The following SPDYA variants were observed in gnomAD, a reference collection of about 807,000 sequenced individuals.
SPDYA encodes the protein speedy/RINGO cell cycle regulator family member A.
In SPDYA, 11 loss-of-function variants were observed where a neutral mutation model predicts 36.7. That is an observed-to-expected ratio of 0.30 (90% CI 0.19 to 0.50). The LOEUF (loss-of-function observed/expected upper bound fraction) is 0.50. Ranked by LOEUF, SPDYA falls within the 20% of genes least tolerant of loss-of-function variation. SPDYA has a pLI of 0.98. For synonymous variants in SPDYA, 115 were observed against 118.7 expected, an observed-to-expected ratio of 0.97 and a Z score of 0.20; for missense variants, 287 against 370.9, an observed-to-expected ratio of 0.77 and a Z score of 1.86.
At position 28,811,188 on chromosome 2, in the gene SPDYA, C is replaced by G. The variant is rs1667830972; in HGVS notation, c.-93+241C>G. The G allele has an allele frequency of 6.6e-6, 1 of 152,314 alleles. No homozygotes were observed. Among genetic ancestry groups the G allele is most frequent in the African/African-American group, 2.4e-5 (1 of 41,460 alleles). The allele number at this position is 152,314 out of a possible 1,614,324, so 9.4% of individuals were successfully genotyped here. A position where few individuals can be genotyped will look rare whatever the true frequency, so the allele number is the denominator to read the frequency against. On this transcript the variant is annotated intron_variant, in intron 1 of 7. Transcript: ENST00000334056. The surrounding 1 kb of genome is among the most constrained non-coding windows in gnomAD (Gnocchi z 4.2). ...CCTGGCGAGGGAGGCAGTGGCCGCG[C>G]AGGTTGGGGCTTTGGCCGCCCTCCG... is the stretch of plus-strand genomic sequence containing the variant.
At chr2:28,812,874 A>AG (rs1450984810) in intron 1 of SPDYA, among the ~76,000 whole-genome samples, 2 of 151,254 alleles carry the variant, frequency 1.3e-5, no homozygotes, top group Non-Finnish European at 3.0e-5. Flanking sequence ...AAAAAAAAAA[A>AG]AAAAATTAAA....
chr2:28,812,623 G>A (rs1172412346), intron 1 of SPDYA, among the ~76,000 whole-genome samples: 4 of 151,916 alleles, frequency 2.6e-5, no homozygotes, highest in Non-Finnish European at 4.4e-5. Flanking sequence ...TTGGGAGGCC[G>A]AGGCGGGCCG....
At chr2:28,837,662 A>G (rs758511071) in intron 6 of SPDYA, among the ~76,000 whole-genome samples, 2 of 152,152 alleles carry the variant, frequency 1.3e-5, no homozygotes, top group Non-Finnish European at 2.9e-5. Flanking sequence ...AGAGAGGTTA[A>G]GTGACTTCTT....
chr2:28,843,487 T>C (rs1572516915), intron 7 of SPDYA, among the ~76,000 whole-genome samples: 1 of 150,262 alleles, frequency 6.7e-6, no homozygotes, highest in East Asian at 1.9e-4. Flanking sequence ...GAGGTGGAGG[T>C]TGCAGTGAGC....
Position 28,829,239 on chromosome 2 carries a change from C to T in SPDYA, c.472C>T (p.Pro158Ser). 6 of 1,613,812 alleles carry T rather than the reference C, an allele frequency of 3.7e-6. No individual in the cohort carries two copies. The highest frequency in any genetic ancestry group is 5.1e-6 in the Non-Finnish European group (6 of 1,179,924). The change falls in exon 6 of 8, where the codon CCT becomes TCT. Residue 158 changes from proline (P) to serine (S), a missense_variant. Transcript: ENST00000334056. ...ALGKNWRKLF[P>S]NFLKLRDQLW... is the part of the protein sequence containing the mutation. ...AGGGAAAAACTGGAGAAAATTGTTC[C>T]CTAATTTCTTAAAGTTAAGGGACCA...
At chr2:28,847,076 C>T (rs1402942610) in intron 7 of SPDYA, among the ~76,000 whole-genome samples, 1 of 152,242 alleles carries the variant, frequency 6.6e-6, no homozygotes, top group East Asian at 1.9e-4. Flanking sequence ...CGTGCAGTGG[C>T]TCATTCCTGT....
chr2:28,819,207 T>G (rs1388979160), intron 4 of SPDYA, 101 bp downstream of exon 4: 5 of 926,762 alleles, frequency 5.4e-6, no homozygotes, highest in Non-Finnish European at 8.0e-6. Flanking sequence ...TTATTAGTTA[T>G]GATTAAGAAA....
intron 6 of SPDYA, 28 bp from the exon 7 acceptor site, chr2:28,840,144 A>C (rs1339294698): frequency 6.3e-7 from 1 of 1,586,722 alleles, no homozygotes. Flanking sequence ...ATATTACTAA[A>C]ATTCTAAAAG....
At chr2:28,826,949 C>CTTTTTTTTTTTTTTTT (rs1309143694) in intron 5 of SPDYA, among the ~76,000 whole-genome samples, 2 of 113,808 alleles carry the variant, frequency 1.8e-5, no homozygotes, top group Non-Finnish European at 1.8e-5. Context: ...TCTTTTCTTT[C>CTTTTTTTTTTTTTTTT]TTTTTTTTTT....
chr2:28,823,740 TATATAA>T (rs1414347301), intron 5 of SPDYA, among the ~76,000 whole-genome samples: 68 of 76,978 alleles, frequency 8.8e-4, no homozygotes, highest in East Asian at 3.3e-3. Flanking sequence ...TATATATATA[TATATAA>T]AATTTTTTTT....
At position 28,816,096 on chromosome 2, in the gene SPDYA, C is replaced by T. The variant is rs370955960; in HGVS notation, c.82C>T (p.Pro28Ser). 1.1e-4 allele frequency: 176 copies of T among 1,613,710 alleles called. No individual in the cohort carries two copies. The highest frequency in any genetic ancestry group is 1.4e-4 in the Non-Finnish European group (171 of 1,179,952). Residue 28 changes from proline to serine, a missense_variant, in exon 3 of 8, where the codon CCT (proline) becomes TCT (serine). Pro to Ser is a moderately conservative substitution (Grantham distance 74). Transcript: ENST00000334056. ...ATCAGGGTCAAATAGATCACATCAG[C>T]CTAAAAAGCCCATTACTCTGAAGCG... Reference protein sequence around the residue: ...VKSGSNRSHQPKKPITLKRPI... With the variant: ...VKSGSNRSHQSKKPITLKRPI...
At chr2:28,832,231 A>G (rs1668496276) in intron 6 of SPDYA, among the ~76,000 whole-genome samples, 1 of 152,188 alleles carries the variant, frequency 6.6e-6, no homozygotes, top group Non-Finnish European at 1.5e-5. Flanking sequence ...TATATGGCCA[A>G]ATCCCAAGGT....
chr2:28,848,111 T>C (rs1194935469), intron 7 of SPDYA, among the ~76,000 whole-genome samples: 1 of 152,226 alleles, frequency 6.6e-6, no homozygotes, highest in Non-Finnish European at 1.5e-5. Flanking sequence ...TGTATAACTG[T>C]ATCTGGAAAT....
Position 28,819,852 on chromosome 2 carries a change from ATATATATATATATATATATATATAT to A in SPDYA, c.294+747_294+771del, listed in dbSNP as rs1319513021. ...AAAAAAAAAAAAAAAAAAAAAAAAT[ATATATATATATATATATATATATAT>A]ATATATATATATATATATATATATA... On this transcript the variant is annotated intron_variant, in intron 4 of 7. Transcript: ENST00000334056. 1.4e-3 allele frequency among the ~76,000 whole-genome samples: 8 copies of A among 5,850 alleles called. 1 individual carries two copies. Among genetic ancestry groups the A allele is most frequent in the Admixed American group, 8.8e-3 (2 of 226 alleles). The allele number at this position is 5,850 out of a possible 152,430, so 3.8% of individuals were successfully genotyped here. A position where few individuals can be genotyped will look rare whatever the true frequency, so the allele number is the denominator to read the frequency against.
chr2:28,838,462 T>G (rs898706520), intron 6 of SPDYA, among the ~76,000 whole-genome samples: 25 of 152,218 alleles, frequency 1.6e-4, no homozygotes, highest in South Asian at 6.2e-4. Flanking sequence ...ATTACAAGTG[T>G]GAGCCACTGC....
intron 6 of SPDYA, among the ~76,000 whole-genome samples, chr2:28,838,725 A>G (rs1042034460): frequency 6.6e-6 from 1 of 152,080 alleles, no homozygotes; most frequent in Non-Finnish European, 1.5e-5. Flanking sequence ...TAATCCCAGA[A>G]CTTTGGGAGG....
rs767827477 is a variant in SPDYA at position 28,850,448 on chromosome 2, T to C, written c.*507T>C. ...ATGTACTATAAGCTACATAAAATAT[T>C]TTCTATTTTTTTCACAAAACTGTTA... On this transcript the variant is annotated 3_prime_UTR_variant, in exon 8 of 8. Transcript: ENST00000334056. 2.3e-6 allele frequency: 3 copies of C among 1,286,826 alleles called. No homozygotes were observed. Among genetic ancestry groups the C allele is most frequent in the Non-Finnish European group, 3.3e-6 (3 of 919,022 alleles). The allele number at this position is 1,286,826 out of a possible 1,614,324, so 79.7% of individuals were successfully genotyped here.
chr2:28,827,658 G>A (rs1339669093), intron 5 of SPDYA, among the ~76,000 whole-genome samples: 1 of 151,912 alleles, frequency 6.6e-6, no homozygotes, highest in Non-Finnish European at 1.5e-5. Context: ...TTTTCTCTGA[G>A]TACTTTTAAG....
intron 7 of SPDYA, among the ~76,000 whole-genome samples, chr2:28,844,089 TCTTA>T (rs1222238888): frequency 4.6e-5 from 7 of 152,246 alleles, no homozygotes; most frequent in East Asian, 1.9e-4. Flanking sequence ...CTTTGAATTT[TCTTA>T]CTTATTTTTG....
Sources: allele counts gnomAD v4.1 joint callset (sites outside exome capture counted in the v4.1 genomes callset), GRCh38; gene constraint gnomAD v4.1.1; non-coding constraint Gnocchi (gnomAD v3.1); transcripts MANE v1.5; gene names NCBI Gene and HGNC (gene_info 2026-07-23, HGNC 2026-07-21).